Variants in TENT5C observed in about 807,000 individuals in gnomAD.
TENT5C encodes family with sequence similarity 46 member C.
A neutral mutation model predicts 22.2 loss-of-function variants in TENT5C; 5 were observed. The observed-to-expected ratio is 0.22, with a 90% CI of 0.12 to 0.47. The LOEUF (loss-of-function observed/expected upper bound fraction) is 0.47. Ranked by LOEUF, TENT5C falls within the 20% of genes least tolerant of loss-of-function variation. The probability of loss-of-function intolerance (pLI) is 0.99; values close to 1 mark genes in which losing one functional copy is unlikely to be tolerated. For synonymous variants in TENT5C, 199 were observed against 195.4 expected (o/e 1.02, Z -0.15); for missense variants, 364 against 500.9 (o/e 0.73, Z 2.61).
Position 117,623,447 on chromosome 1 carries a change from C to T in TENT5C, c.579C>T (p.Phe193=), listed in dbSNP as rs758352402. The change falls in exon 2 of 2, where the codon TTC becomes TTT. Residue 193 remains phenylalanine, a synonymous_variant. Transcript: ENST00000369448. The stretch of plus-strand genomic sequence containing the variant: ...AAATCATCCTGGATTCTTTGCTTTT[C>T]TTCTATGACTGTTCCAATAATCCCA... ...SFQIILDSLL[F]FYDCSNNPIS... 6.2e-7 allele frequency: 1 copy of T among 1,614,126 alleles called. No homozygotes were observed. Among genetic ancestry groups the T allele is most frequent in the South Asian group, 1.1e-5 (1 of 91,076 alleles).
At chr1:117,617,226 T>C (rs538953472) in intron 1 of TENT5C, among the ~76,000 whole-genome samples, 1 of 152,038 alleles carries the variant, frequency 6.6e-6, no homozygotes, top group African/African-American at 2.4e-5. Context: ...TTTTCAGTGC[T>C]CAAACATAGG....
intron 1 of TENT5C, among the ~76,000 whole-genome samples, chr1:117,609,149 T>C (rs1484363741): frequency 2.0e-5 from 3 of 152,232 alleles, no homozygotes; most frequent in Admixed American, 6.5e-5. Flanking sequence ...TTGGGTACAT[T>C]AGTACTGCTG....
At position 117,606,375 on chromosome 1, in the gene TENT5C, C is replaced by T. The variant is rs546104649; in HGVS notation, c.-28+222C>T. On this transcript the variant is annotated intron_variant, in intron 1 of 1. Coordinates refer to ENST00000369448, the MANE Select transcript of TENT5C (RefSeq NM_017709.4). ...CGAGGACCCCCGCCCCTGACACACC[C>T]GTCCCAAAGGGCCAGAAGAGACGCT... Among the ~76,000 whole-genome samples the T allele has an allele frequency of 1.1e-3, 167 of 152,330 alleles. 1 individual carries two copies. Among genetic ancestry groups the T allele is most frequent in the African/African-American group, 3.9e-3 (164 of 41,582 alleles).
rs1268872076 is a variant in TENT5C at position 117,622,849 on chromosome 1, A to G, written c.-20A>G. 6.3e-7 allele frequency: 1 copy of G among 1,599,680 alleles called. No individual in the cohort carries two copies. The highest frequency in any genetic ancestry group is 8.6e-7 in the Non-Finnish European group (1 of 1,168,658). On this transcript the variant is annotated 5_prime_UTR_variant, in exon 2 of 2. Coordinates refer to ENST00000369448, the MANE Select transcript of TENT5C (RefSeq NM_017709.4). ...CTCACCCCTCACTTTCAGTTTCCCC[A>G]GCCAGAACATCCCCTGAAGATGGCA...
intron 1 of TENT5C, among the ~76,000 whole-genome samples, chr1:117,607,235 G>A (rs1042778586): frequency 3.3e-5 from 5 of 152,156 alleles, no homozygotes; most frequent in Non-Finnish European, 7.3e-5. Flanking sequence ...CCACTATTAG[G>A]GCTGGACCCT....
In TENT5C at chr1:117,623,041, G is replaced by T; in HGVS notation, c.173G>T (p.Arg58Leu). Residue 58 changes from arginine (R) to leucine (L), a missense_variant, in exon 2 of 2, where the codon CGG becomes CTG. By Grantham distance (102) the Arg-to-Leu change is moderately radical. Coordinates refer to ENST00000369448, the MANE Select transcript of TENT5C (RefSeq NM_017709.4). Reference sequence around the variant, plus strand: ...GACATCGTCCAGACCGTCCGCAGTCGGCTGGAGGAGGCAGGCATCAAAGTG... The same window carrying T: ...GACATCGTCCAGACCGTCCGCAGTCTGCTGGAGGAGGCAGGCATCAAAGTG... Reference protein sequence around the residue: ...LKDIVQTVRSRLEEAGIKVHD... With the variant: ...LKDIVQTVRSLLEEAGIKVHD... 6.2e-7 allele frequency: 1 copy of T among 1,614,200 alleles called. No homozygotes were observed. The highest frequency in any genetic ancestry group is 8.5e-7 in the Non-Finnish European group (1 of 1,180,026).
chr1:117,626,839 T>C lies in TENT5C; in HGVS notation c.*2795T>C, dbSNP rs1654024695. The C allele has an allele frequency of 4.0e-6, 1 of 248,060 alleles. No homozygotes were observed. The highest frequency in any genetic ancestry group is 1.8e-4 in the South Asian group (1 of 5,534). The allele number at this position is 248,060 out of a possible 1,614,324, so 15.4% of individuals were successfully genotyped here. ...TGATTTGACTCTTTTTCTGATGCTT[T>C]CGGCATGTCTGCAGCCTGTTCTCCT... On this transcript the variant is annotated 3_prime_UTR_variant, in exon 2 of 2. Transcript: ENST00000369448.
rs912269955 is a variant in TENT5C at position 117,622,926 on chromosome 1, G to A, written c.58G>A (p.Asp20Asn). The A allele has an allele frequency of 4.3e-6, 7 of 1,614,070 alleles. No individual in the cohort carries two copies. The African/African-American group carries it at 6.7e-5, about 15-fold the overall frequency. The change falls in exon 2 of 2, where the codon GAT (aspartate) becomes AAT (asparagine). Residue 20 changes from aspartate to asparagine, a missense_variant. Asp to Asn is a conservative substitution (Grantham distance 23, BLOSUM62 1). Transcript: ENST00000369448. ...DCMSFSVLNWDQVSRLHEVLT... is the reference protein window; with the variant it reads ...DCMSFSVLNWNQVSRLHEVLT... Reference sequence around the variant, plus strand: ...CATGTCCTTCAGCGTGCTCAACTGGGATCAGGTTAGCCGGCTGCATGAGGT... The same window carrying A: ...CATGTCCTTCAGCGTGCTCAACTGGAATCAGGTTAGCCGGCTGCATGAGGT...
At chr1:117,611,721 C>T (rs1653675056) in intron 1 of TENT5C, among the ~76,000 whole-genome samples, 4 of 151,950 alleles carry the variant, frequency 2.6e-5, no homozygotes, top group African/African-American at 9.7e-5. Context: ...GTGGCACGTG[C>T]CTGTGGTACC....
Position 117,623,441 on chromosome 1 carries a change from G to C in TENT5C, c.573G>C (p.Leu191Phe), listed in dbSNP as rs748094673. The C allele has an allele frequency of 6.2e-7, 1 of 1,614,070 alleles. No homozygotes were observed. Among genetic ancestry groups the C allele is most frequent in the Admixed American group, 1.7e-5 (1 of 60,014 alleles). ...VDSFQIILDS[L>F]LFFYDCSNNP... The stretch of plus-strand genomic sequence containing the variant: ...CTTTCCAAATCATCCTGGATTCTTT[G>C]CTTTTCTTCTATGACTGTTCCAATA... The change falls in exon 2 of 2, where the codon TTG becomes TTC. Residue 191 changes from leucine (L) to phenylalanine (F), a missense_variant. Around this residue, in one of 3 missense-constraint regions of TENT5C, gnomAD observed 303 missense variants for 394.5 expected, o/e 0.77. Transcript: ENST00000369448.
intron 1 of TENT5C, among the ~76,000 whole-genome samples, chr1:117,620,772 T>G (rs2101078510): frequency 6.6e-6 from 1 of 152,248 alleles, no homozygotes; most frequent in African/African-American, 2.4e-5. Context: ...GGTTGTGCCC[T>G]TCTTATGAGA....
chr1:117,610,950 A>G (rs1263211372), intron 1 of TENT5C, among the ~76,000 whole-genome samples: 1 of 152,202 alleles, frequency 6.6e-6, no homozygotes, highest in African/African-American at 2.4e-5. Context: ...CATTTTGAGA[A>G]GAAAATTATC....
At chr1:117,608,559 T>C (rs1477178254) in intron 1 of TENT5C, among the ~76,000 whole-genome samples, 3 of 152,228 alleles carry the variant, frequency 2.0e-5, no homozygotes, top group Non-Finnish European at 4.4e-5. Context: ...AAGTGGGCTG[T>C]AGTGCTCTTG....
intron 1 of TENT5C, among the ~76,000 whole-genome samples, chr1:117,617,650 C>T (rs1653816052): frequency 6.6e-6 from 1 of 152,158 alleles, no homozygotes; most frequent in South Asian, 2.1e-4. Flanking sequence ...AATTTGTTCT[C>T]TATTTTGTTA....
At chr1:117,612,419 ATCT>A (rs1383448176) in intron 1 of TENT5C, among the ~76,000 whole-genome samples, 4 of 152,044 alleles carry the variant, frequency 2.6e-5, no homozygotes, top group Non-Finnish European at 4.4e-5. Flanking sequence ...TGCTGATAAA[ATCT>A]TCTGAGACTG....
intron 1 of TENT5C, among the ~76,000 whole-genome samples, chr1:117,609,957 A>C (rs898040873): frequency 6.6e-6 from 1 of 151,912 alleles, no homozygotes; most frequent in African/African-American, 2.4e-5. Flanking sequence ...GTGACTAGCT[A>C]ATTGACCAAC....
rs1376587585 is a variant in TENT5C at position 117,625,610 on chromosome 1, A to AT, written c.*1567dup. 2.1e-4 allele frequency: 52 copies of AT among 246,506 alleles called. No individual in the cohort carries two copies. The highest frequency in any genetic ancestry group is 9.3e-4 in the African/African-American group (42 of 45,262). The allele number at this position is 246,506 out of a possible 1,614,324, so 15.3% of individuals were successfully genotyped here. ...TGATTTAATCAAATTCATGCTCCTG[A>AT]TCTTTTTTTTCCCCCTTCCTTTGGC... On this transcript the variant is annotated 3_prime_UTR_variant, in exon 2 of 2. Coordinates refer to ENST00000369448, the MANE Select transcript of TENT5C (RefSeq NM_017709.4).
At chr1:117,606,620 G>A (rs1448560517) in intron 1 of TENT5C, among the ~76,000 whole-genome samples, 4 of 152,110 alleles carry the variant, frequency 2.6e-5, no homozygotes, top group Non-Finnish European at 2.9e-5. Context: ...CGGCGCTCCC[G>A]CGGGCGCGCA....
rs1301989020 is a variant in TENT5C at position 117,627,141 on chromosome 1, A to G, written c.*3097A>G. 1 of 248,060 alleles carries G rather than the reference A, an allele frequency of 4.0e-6. No individual in the cohort carries two copies. The highest frequency in any genetic ancestry group is 5.6e-5 in the Admixed American group (1 of 17,784). The allele number at this position is 248,060 out of a possible 1,614,324, so 15.4% of individuals were successfully genotyped here. On this transcript the variant is annotated 3_prime_UTR_variant, in exon 2 of 2. Coordinates refer to ENST00000369448, the MANE Select transcript of TENT5C (RefSeq NM_017709.4). ...GCAGATGGGGTGAGTTGGGTAAGGAAGATGATGCTTAGTTCCTGATAGATG... is the reference window on the plus strand; with the variant it reads ...GCAGATGGGGTGAGTTGGGTAAGGAGGATGATGCTTAGTTCCTGATAGATG...
Sources: gnomAD v4.1 joint callset for allele counts (sites outside exome capture counted in the v4.1 genomes callset) on GRCh38, gnomAD v4.1.1 for gene constraint, gnomAD v4.1.1 regional missense constraint, MANE v1.5 for transcripts, NCBI Gene and HGNC (gene_info 2026-07-23, HGNC 2026-07-21) for gene names.